MTMR7: variants seen among roughly 807,000 people sequenced by gnomAD.
MTMR7 encodes the protein myotubularin related protein 7.
In MTMR7, 76 loss-of-function variants were observed where a neutral mutation model predicts 81.2. The observed-to-expected ratio is 0.94, with a 90% confidence interval of 0.78 to 1.13. The LOEUF (loss-of-function observed/expected upper bound fraction) is 1.13, where lower values mean the gene tolerates loss of function less well. Among genes scored for constraint, MTMR7 ranks in the 50% most tolerant of loss-of-function variants. MTMR7 has a pLI of 0.00. For missense variants in MTMR7, 1,044 were observed against 820.0 expected (o/e 1.27, Z -3.34); for synonymous variants, 372 against 289.8 (o/e 1.28, Z -2.88).
chr8:17,382,801 T>C (rs1158176409), intron 1 of MTMR7, among the ~76,000 whole-genome samples: 2 of 152,056 alleles, frequency 1.3e-5, no homozygotes, highest in Non-Finnish European at 2.9e-5. Flanking sequence ...AGTAGAAATG[T>C]TATATGAGCC....
In MTMR7 at chr8:17,339,886, C is replaced by T. The variant is rs117149653; in HGVS notation, c.732+1477G>A. Among the ~76,000 whole-genome samples the T allele has an allele frequency of 5.0e-3, 760 of 152,292 alleles. 23 individuals are homozygous for T. In the East Asian group the frequency reaches 0.074, roughly 15 times the overall value. ...TCTAACTTACGAAGTGAAAAGTTTC[C>T]TAAAATGAACTTCTCACCCCACAGG... On this transcript the variant is annotated intron_variant, in intron 6 of 13. Coordinates refer to ENST00000180173, the MANE Select transcript of MTMR7 (RefSeq NM_004686.5).
intron 1 of MTMR7, among the ~76,000 whole-genome samples, chr8:17,376,547 T>G (rs1000413357): frequency 2.0e-5 from 3 of 152,182 alleles, no homozygotes; most frequent in Non-Finnish European, 4.4e-5. Context: ...CATTTAATAT[T>G]CCTACCACCA....
intron 3 of MTMR7, among the ~76,000 whole-genome samples, chr8:17,366,961 A>G (rs1390261230): frequency 1.3e-5 from 2 of 150,734 alleles, no homozygotes; most frequent in African/African-American, 2.5e-5. Context: ...TGGATTTTGC[A>G]TATTTAAAAT....
chr8:17,376,874 T>C (rs936164096), intron 1 of MTMR7, among the ~76,000 whole-genome samples: 55 of 152,122 alleles, frequency 3.6e-4, no homozygotes, highest in African/African-American at 1.3e-3. Context: ...ATATTTGTTT[T>C]TTTAACTCTA....
intron 8 of MTMR7, chr8:17,311,889 C>G (rs1440136334): frequency 4.3e-6 from 2 of 467,018 alleles, no homozygotes; most frequent in East Asian, 7.3e-5. Flanking sequence ...CATGTACTTA[C>G]TAAACATAAG....
intron 13 of MTMR7, chr8:17,301,903 T>G: frequency 2.3e-6 from 1 of 442,060 alleles, no homozygotes; most frequent in South Asian, 6.6e-5. Flanking sequence ...ACCAAACAAG[T>G]TGACCTAAAA....
rs561948406 is a variant in MTMR7 at position 17,300,315 on chromosome 8, G to A, written c.1621-91C>T. ...GTCTTTAGCATTTGTTACCTCCCAC[G>A]TGGGTATAATGTTAAGAACATGTGA... On this transcript the variant is annotated intron_variant, in intron 13 of 13. Transcript: ENST00000180173. 101 of 1,328,434 alleles carry A rather than the reference G, an allele frequency of 7.6e-5. No homozygotes were observed. In the Admixed American group the frequency reaches 2.2e-3, roughly 28 times the overall value. The allele number at this position is 1,328,434 out of a possible 1,614,324, so 82.3% of individuals were successfully genotyped here. A position where few individuals can be genotyped will look rare whatever the true frequency, so the allele number is the denominator to read the frequency against.
Position 17,305,775 on chromosome 8 carries a change from T to A in MTMR7, c.1334A>T (p.Lys445Met), listed in dbSNP as rs1817408858. Residue 445 changes from lysine to methionine, a missense_variant, in exon 11 of 14, where the codon AAG (lysine) becomes ATG (methionine). Lys to Met is a moderately conservative substitution (Grantham distance 95, BLOSUM62 -1). Coordinates refer to ENST00000180173, the MANE Select transcript of MTMR7 (RefSeq NM_004686.5). ...QFGNFLCNSQ[K>M]ERRELKIQER... ...CACTTACTTGAGTTCTCGTCTCTCC[T>A]TTTGGCTGTTACATAGGAAGTTTCC... 8.7e-6 allele frequency: 14 copies of A among 1,612,060 alleles called. No homozygotes were observed. The highest frequency in any genetic ancestry group is 1.3e-5 in the African/African-American group (1 of 74,888).
chr8:17,343,499 T>C (rs1347280083), intron 5 of MTMR7, among the ~76,000 whole-genome samples: 1 of 151,932 alleles, frequency 6.6e-6, no homozygotes, highest in East Asian at 1.9e-4. Context: ...AAGGGTTAGA[T>C]GGGGATGGTA....
chr8:17,397,369 G>A (rs995332045), intron 1 of MTMR7, among the ~76,000 whole-genome samples: 3 of 151,978 alleles, frequency 2.0e-5, no homozygotes, highest in Admixed American at 6.6e-5. Flanking sequence ...TCCAAGCCTC[G>A]CAGAATTCAC....
intron 4 of MTMR7, among the ~76,000 whole-genome samples, chr8:17,359,735 G>C (rs1253375646): frequency 3.3e-5 from 5 of 151,942 alleles, no homozygotes; most frequent in East Asian, 1.9e-4. Flanking sequence ...AAGAAATCAA[G>C]ATATGAAGAT....
At chr8:17,303,552 A>G (rs771212513) in intron 12 of MTMR7, among the ~76,000 whole-genome samples, 1 of 151,900 alleles carries the variant, frequency 6.6e-6, no homozygotes, top group Non-Finnish European at 1.5e-5. Flanking sequence ...TCTAGCACAT[A>G]CCTAGTAGAA....
chr8:17,374,146 G>A (rs1246481352), intron 1 of MTMR7, among the ~76,000 whole-genome samples: 1 of 152,230 alleles, frequency 6.6e-6, no homozygotes, highest in African/African-American at 2.4e-5. Context: ...TTGCTTCCAT[G>A]CAGCTTAGGA....
intron 1 of MTMR7, among the ~76,000 whole-genome samples, chr8:17,404,888 C>T (rs750195130): frequency 2.6e-5 from 4 of 152,104 alleles, no homozygotes; most frequent in Non-Finnish European, 4.4e-5. Context: ...TGCAGCGGCG[C>T]GATCTCAGCT....
rs1358435958 is a variant in MTMR7, at chr8:17,371,214, T to C, written c.148-15A>G. On this transcript the variant is annotated splice_polypyrimidine_tract_variant and intron_variant, in intron 2 of 13. Coordinates refer to ENST00000180173, the MANE Select transcript of MTMR7 (RefSeq NM_004686.5). ...CTGTGAAGAATCTAGAACCAAATGT[T>C]AATGTGCATAAGCTAAGCACAAATA... The C allele has an allele frequency of 1.9e-6, 3 of 1,612,926 alleles. No homozygotes were observed. Among genetic ancestry groups the C allele is most frequent in the Admixed American group, 1.7e-5 (1 of 59,958 alleles).
At chr8:17,300,259 A>G (rs770890144) in intron 13 of MTMR7, 35 bp from the exon 14 acceptor site, 11 of 1,571,262 alleles carry the variant, frequency 7.0e-6, no homozygotes, top group South Asian at 3.5e-5. Flanking sequence ...GGGAAAAATC[A>G]TAAATAACTT....
At chr8:17,388,609 G>A (rs191251637) in intron 1 of MTMR7, among the ~76,000 whole-genome samples, 10 of 152,122 alleles carry the variant, frequency 6.6e-5, no homozygotes, top group Admixed American at 5.9e-4. Flanking sequence ...TTTGACAAAG[G>A]CACTAACAGC....
At chr8:17,309,156 C>G (rs1371197507) in intron 10 of MTMR7, 121 bp downstream of exon 10, 2 of 678,842 alleles carry the variant, frequency 2.9e-6, no homozygotes, top group Non-Finnish European at 5.1e-6. Context: ...AAAATTTAAG[C>G]TTTCTGAATA....
At chr8:17,360,173 G>A (rs184315447) in intron 4 of MTMR7, among the ~76,000 whole-genome samples, 34 of 152,238 alleles carry the variant, frequency 2.2e-4, no homozygotes, top group African/African-American at 8.2e-4. Flanking sequence ...CAGAATATAA[G>A]GCACATGTAA....
Sources: allele counts gnomAD v4.1 joint callset (sites outside exome capture counted in the v4.1 genomes callset), GRCh38; gene constraint gnomAD v4.1.1; transcripts MANE v1.5; gene names NCBI Gene and HGNC (gene_info 2026-07-23, HGNC 2026-07-21).